The following CCDC149 variants were observed in gnomAD, a reference collection of about 807,000 sequenced individuals.
The protein encoded by CCDC149 is coiled-coil domain containing 149.
CCDC149 carries 45 observed loss-of-function variants against 59.9 expected under a neutral mutation model. The ratio of observed to expected loss-of-function variants is 0.75; its 90% confidence interval spans 0.59 to 0.96. The LOEUF is 0.96. CCDC149 is among the 40% of genes least tolerant of loss of function. The probability of loss-of-function intolerance (pLI) is 0.00; values close to 1 mark genes in which losing one functional copy is unlikely to be tolerated. For missense variants in CCDC149, 584 were observed against 664.7 expected (o/e 0.88, Z 1.33); for synonymous variants, 245 against 260.6 (o/e 0.94, Z 0.58).
intron 4 of CCDC149, among the ~76,000 whole-genome samples, chr4:24,848,598 A>G (rs1018811074): frequency 1.3e-5 from 2 of 150,598 alleles, no homozygotes; most frequent in Non-Finnish European, 2.9e-5. Context: ...AAATAAATAC[A>G]ATAAATAATG....
chr4:24,818,346 T>G (rs1187003126), intron 12 of CCDC149, among the ~76,000 whole-genome samples: 2 of 152,182 alleles, frequency 1.3e-5, no homozygotes, highest in East Asian at 3.8e-4. Flanking sequence ...CTGGGAAATG[T>G]GGGTGTAACT....
intron 1 of CCDC149, among the ~76,000 whole-genome samples, chr4:24,967,652 G>A (rs1723838970): frequency 6.6e-6 from 1 of 150,588 alleles, no homozygotes; most frequent in Non-Finnish European, 1.5e-5. Flanking sequence ...CATATGTCAT[G>A]ATCTAGTTGC....
chr4:24,827,471 T>C (rs991372285), intron 9 of CCDC149: 1 of 152,252 alleles, frequency 6.6e-6, no homozygotes, highest in African/African-American at 2.4e-5. Flanking sequence ...TATGTCCTCA[T>C]ATATTCACCA....
intron 1 of CCDC149, among the ~76,000 whole-genome samples, chr4:24,926,884 C>T (rs184717601): frequency 6.6e-6 from 1 of 152,292 alleles, no homozygotes; most frequent in Non-Finnish European, 1.5e-5. Flanking sequence ...CTACACGGGG[C>T]CACTCCATGC....
At chr4:24,939,017 G>A (rs1026370672) in intron 1 of CCDC149, among the ~76,000 whole-genome samples, 1 of 152,222 alleles carries the variant, frequency 6.6e-6, no homozygotes. Flanking sequence ...AGTCTTAAAT[G>A]TCCCTGTCTG....
chr4:24,926,852 C>T (rs1000957660), intron 1 of CCDC149, among the ~76,000 whole-genome samples: 20 of 152,260 alleles, frequency 1.3e-4, no homozygotes, highest in Admixed American at 9.2e-4. Context: ...AACTTGAAGA[C>T]GAGGACTGTT....
At chr4:24,804,356 T>G (rs529179902), downstream of CCDC149, among the ~76,000 whole-genome samples, 1 of 151,526 alleles carries the variant, frequency 6.6e-6, no homozygotes, top group African/African-American at 2.4e-5. Flanking sequence ...CCAGGCATGG[T>G]GGTGCATGCC....
In CCDC149 at chr4:24,870,259, C is replaced by T. The variant is rs538999109; in HGVS notation, c.264+3422G>A. Among the ~76,000 whole-genome samples, 29 of 152,234 alleles carry T rather than the reference C, an allele frequency of 1.9e-4. No homozygotes were observed. The South Asian group carries it at 5.6e-3, about 29-fold the overall frequency. On this transcript the variant is annotated intron_variant, in intron 3 of 12. Transcript: ENST00000635206. ...ATTCCTATCTGAAATTCAAATGTAC[C>T]GGGTGCCCTGTATTTTTACTTGCTA...
chr4:24,808,365 C>A lies in CCDC149; in HGVS notation c.*24G>T. 2.1e-6 allele frequency: 3 copies of A among 1,441,026 alleles called. No individual in the cohort carries two copies. The South Asian group carries it at 4.7e-5, about 23-fold the overall frequency. The allele number at this position is 1,441,026 out of a possible 1,614,324, so 89.3% of individuals were successfully genotyped here. On this transcript the variant is annotated 3_prime_UTR_variant, in exon 13 of 13. Transcript: ENST00000635206. ...ACCCTCTCTGGGGCTTTCAATGTGT[C>A]ATTGTGTCAGATCCCTCTCCCCTTC...
chr4:24,870,312 C>T (rs569376249), intron 3 of CCDC149, among the ~76,000 whole-genome samples: 2 of 152,304 alleles, frequency 1.3e-5, no homozygotes, highest in East Asian at 3.9e-4. Flanking sequence ...AGAATGAGTA[C>T]ATGACAACTT....
At chr4:24,957,658 C>A (rs1723505697) in intron 1 of CCDC149, among the ~76,000 whole-genome samples, 1 of 145,270 alleles carries the variant, frequency 6.9e-6, no homozygotes, top group African/African-American at 2.7e-5. Flanking sequence ...CAGGCCAATG[C>A]CTATTTTTAT....
In CCDC149 at chr4:24,831,602, G is replaced by C; in HGVS notation, c.869C>G (p.Pro290Arg). The C allele has an allele frequency of 6.2e-7, 1 of 1,613,984 alleles. No individual in the cohort carries two copies. Among genetic ancestry groups the C allele is most frequent in the Non-Finnish European group, 8.5e-7 (1 of 1,179,936 alleles). Residue 290 changes from proline to arginine, a missense_variant, in exon 9 of 13, where the codon CCG becomes CGG. By Grantham distance (103) the Pro-to-Arg change is moderately radical (BLOSUM62 -2). Transcript: ENST00000635206. ...AGATTTCAGGTCAGAAATGGACTGC[G>C]GAGTAGCTGGGAGGCTGCATCCATG...
chr4:24,943,145 C>G (rs1007835016), intron 1 of CCDC149, among the ~76,000 whole-genome samples: 1 of 152,164 alleles, frequency 6.6e-6, no homozygotes, highest in Non-Finnish European at 1.5e-5. Flanking sequence ...TGACTTCAAA[C>G]TATACTACAA....
At chr4:24,961,002 T>A (rs1206308458) in intron 1 of CCDC149, among the ~76,000 whole-genome samples, 1 of 152,184 alleles carries the variant, frequency 6.6e-6, no homozygotes, top group Non-Finnish European at 1.5e-5. Flanking sequence ...ACCAAAAGAA[T>A]CCTAGGCAAA....
intron 1 of CCDC149, among the ~76,000 whole-genome samples, chr4:24,950,740 G>A (rs1428154754): frequency 3.3e-5 from 5 of 152,184 alleles, no homozygotes; most frequent in East Asian, 1.9e-4. Context: ...ATTCATTCAC[G>A]TATTCAATAA....
In CCDC149 at chr4:24,822,394, G is replaced by C. The variant is rs562416220; in HGVS notation, c.1042+103C>G. 26 of 640,560 alleles carry C rather than the reference G, an allele frequency of 4.1e-5. No individual in the cohort carries two copies. The South Asian group carries it at 6.2e-4, about 15-fold the overall frequency. 39.7% of individuals were successfully genotyped at this position (640,560 alleles called of 1,614,324 possible). On this transcript the variant is annotated intron_variant, in intron 10 of 12. Transcript: ENST00000635206. ...TACTTTAAATAAGGTAGAATAAAAG[G>C]ACATTAAAGAGGTAGAAGACTCTTG... is the stretch of plus-strand genomic sequence containing the variant.
intron 1 of CCDC149, among the ~76,000 whole-genome samples, chr4:24,964,491 G>A (rs1723740789): frequency 1.3e-5 from 2 of 152,036 alleles, no homozygotes. Context: ...AATAACATGG[G>A]TCAATTAAGT....
intron 1 of CCDC149, among the ~76,000 whole-genome samples, chr4:24,976,841 C>T (rs954892411): frequency 2.6e-5 from 4 of 152,086 alleles, no homozygotes; most frequent in Admixed American, 6.6e-5. Context: ...TGGAGCCAAG[C>T]GGGGATTTGG....
rs755989822 is a variant in CCDC149, at chr4:24,838,162, C to T, written c.483G>A (p.Lys161=). ...AATAGATGTTAGTGAGAACCTGTTC[C>T]TTAGCTCGCTCTAGCTGCTGCACCA... is the stretch of plus-strand genomic sequence containing the variant. Residue 161 remains lysine (K), a synonymous_variant, in exon 5 of 13, where the codon AAG becomes AAA. Coordinates refer to ENST00000635206, the MANE Select transcript of CCDC149 (RefSeq NM_001330643.2). The T allele has an allele frequency of 3.7e-6, 6 of 1,613,236 alleles. No homozygotes were observed. Among genetic ancestry groups the T allele is most frequent in the Non-Finnish European group, 5.1e-6 (6 of 1,179,254 alleles).
Sources: gnomAD v4.1 joint callset for allele counts (sites outside exome capture counted in the v4.1 genomes callset) on GRCh38, gnomAD v4.1.1 for gene constraint, MANE v1.5 for transcripts, NCBI Gene and HGNC (gene_info 2026-07-23, HGNC 2026-07-21) for gene names.